Variants in DACH2 observed in about 807,000 individuals in gnomAD.
The protein encoded by DACH2 is dachshund homolog 2.
Under a neutral mutation model 35.8 loss-of-function variants are expected in DACH2, and 17 were observed. The observed-to-expected ratio is 0.48, with a 90% confidence interval of 0.33 to 0.71. DACH2 has a LOEUF of 0.71. Ranked by LOEUF, DACH2 falls within the 30% of genes least tolerant of loss-of-function variation. The probability of loss-of-function intolerance (pLI) is 0.02; values close to 1 mark genes in which losing one functional copy is unlikely to be tolerated. For missense variants in DACH2, 469 were observed against 472.7 expected, an observed-to-expected ratio of 0.99 and a Z score of 0.07; for synonymous variants, 195 against 177.3, an observed-to-expected ratio of 1.10 and a Z score of -0.79.
intron 2 of DACH2, among the ~76,000 whole-genome samples, chrX:86,494,110 G>T (rs984518299): frequency 4.5e-5 from 5 of 111,728 alleles, no homozygotes; most frequent in African/African-American, 1.6e-4. Context: ...ATTGTTGATC[G>T]CTGCCTAGTT....
intron 7 of DACH2, among the ~76,000 whole-genome samples, chrX:86,741,616 A>G (rs1051138827): frequency 1.8e-5 from 2 of 111,600 alleles, no homozygotes; most frequent in Non-Finnish European, 3.8e-5. Context: ...GGTTGTTACT[A>G]CATTGTGTAC....
At chrX:86,164,626 G>T (rs1002475842) in intron 1 of DACH2, among the ~76,000 whole-genome samples, 1 of 111,342 alleles carries the variant, frequency 9.0e-6, no homozygotes, top group African/African-American at 3.3e-5. Context: ...TGTAAGGAGG[G>T]GGTCCAGCTT....
At chrX:86,320,466 C>G (rs2034995253) in intron 1 of DACH2, among the ~76,000 whole-genome samples, 1 of 112,215 alleles carries the variant, frequency 8.9e-6, no homozygotes, top group Non-Finnish European at 1.9e-5. Context: ...TGGGCTCAGG[C>G]AAGGGCAGTT....
intron 10 of DACH2, among the ~76,000 whole-genome samples, chrX:86,815,769 T>C (rs1017217305): frequency 9.2e-6 from 1 of 108,484 alleles, no homozygotes; most frequent in Admixed American, 1.0e-4. Context: ...GGACAGACTA[T>C]TTTCCTAAGA....
At chrX:86,648,044 CT>C (rs1269992627) in intron 3 of DACH2, among the ~76,000 whole-genome samples, 1 of 108,362 alleles carries the variant, frequency 9.2e-6, no homozygotes, top group African/African-American at 3.3e-5. Context: ...GAAGTAAATG[CT>C]CAGTTATCGG....
In DACH2 at chrX:86,795,267, T is replaced by C. The variant is rs755269669; in HGVS notation, c.1241-17589T>C. Among the ~76,000 whole-genome samples, 23 of 99,880 alleles carry C rather than the reference T, an allele frequency of 2.3e-4. No individual in the cohort carries two copies. In the South Asian group the frequency reaches 3.0e-3, roughly 13 times the overall value. The allele number at this position is 99,880 out of a possible 115,157, so 86.7% of individuals were successfully genotyped here. A position where few individuals can be genotyped will look rare whatever the true frequency, so the allele number is the denominator to read the frequency against. Reference sequence around the variant, plus strand: ...TTTTTTTTTGAGACAGAATCTTCGCTCTGTCACCCAGGCTGGAGTGCAGTG... The same window carrying C: ...TTTTTTTTTGAGACAGAATCTTCGCCCTGTCACCCAGGCTGGAGTGCAGTG... On this transcript the variant is annotated intron_variant, in intron 7 of 11. Coordinates refer to ENST00000373125, the MANE Select transcript of DACH2 (RefSeq NM_053281.3).
At chrX:86,528,371 G>A (rs1278707157) in intron 3 of DACH2, among the ~76,000 whole-genome samples, 1 of 111,428 alleles carries the variant, frequency 9.0e-6, no homozygotes, top group Non-Finnish European at 1.9e-5. Context: ...CAAGGCTAAA[G>A]GAGAAAAATT....
chrX:86,496,753 C>A (rs2038177929), intron 2 of DACH2, among the ~76,000 whole-genome samples: 1 of 109,974 alleles, frequency 9.1e-6, no homozygotes, highest in South Asian at 3.9e-4. Context: ...GCAGGGCAGG[C>A]CTCTCAAGCA....
chrX:86,476,214 TC>T (rs2037840955), intron 2 of DACH2, among the ~76,000 whole-genome samples: 1 of 112,117 alleles, frequency 8.9e-6, no homozygotes, highest in Non-Finnish European at 1.9e-5. Flanking sequence ...GGTGTTCCCT[TC>T]TTCTCTCTTT....
chrX:86,411,870 C>G (rs1014109726), intron 2 of DACH2, among the ~76,000 whole-genome samples: 1 of 110,656 alleles, frequency 9.0e-6, no homozygotes, highest in African/African-American at 3.3e-5. Flanking sequence ...GTTTTTTTTC[C>G]CTGGTAACAT....
intron 2 of DACH2, among the ~76,000 whole-genome samples, chrX:86,479,393 AC>A (rs955416635): frequency 2.7e-5 from 3 of 110,691 alleles, no homozygotes; most frequent in African/African-American, 9.9e-5. Context: ...ACCGTTTTCT[AC>A]CCAGCACTTC....
At chrX:86,333,781 A>T (rs1193141206) in intron 1 of DACH2, among the ~76,000 whole-genome samples, 1 of 111,434 alleles carries the variant, frequency 9.0e-6, no homozygotes, top group African/African-American at 3.3e-5. Context: ...ATATACTTTA[A>T]GTTCTGGGAT....
intron 1 of DACH2, among the ~76,000 whole-genome samples, chrX:86,290,689 C>A (rs1569332685): frequency 1.9e-5 from 2 of 103,385 alleles, no homozygotes; most frequent in East Asian, 6.2e-4. Context: ...AATCCTTTCC[C>A]CATTGCTTGT....
intron 1 of DACH2, among the ~76,000 whole-genome samples, chrX:86,375,369 T>A (rs1465071277): frequency 1.0e-5 from 1 of 100,152 alleles, no homozygotes; most frequent in Non-Finnish European, 2.0e-5. Context: ...ATAATACATA[T>A]ATAATTATAT....
chrX:86,582,326 T>C (rs2039511987), intron 3 of DACH2, among the ~76,000 whole-genome samples: 1 of 110,032 alleles, frequency 9.1e-6, no homozygotes, highest in Non-Finnish European at 1.9e-5. Context: ...ACCAGCAATA[T>C]AGGTAGCAGA....
chrX:86,161,553 C>T (rs1051590662), intron 1 of DACH2, among the ~76,000 whole-genome samples: 1 of 112,032 alleles, frequency 8.9e-6, no homozygotes, highest in African/African-American at 3.2e-5. Flanking sequence ...AACTCTAAAT[C>T]AGATTTTTGT....
At chrX:86,521,148 T>G (rs2038547800) in intron 3 of DACH2, among the ~76,000 whole-genome samples, 1 of 111,818 alleles carries the variant, frequency 8.9e-6, no homozygotes, top group Admixed American at 9.5e-5. Flanking sequence ...TTATTTCTCC[T>G]TCACTTAGGA....
At chrX:86,805,619 C>G in intron 7 of DACH2, among the ~76,000 whole-genome samples, 1 of 111,483 alleles carries the variant, frequency 9.0e-6, no homozygotes, top group South Asian at 3.8e-4. Flanking sequence ...TGCCCTGCTC[C>G]CCTTTTAAAC....
chrX:86,749,953 G>A (rs1323601728), intron 7 of DACH2, among the ~76,000 whole-genome samples: 2 of 109,905 alleles, frequency 1.8e-5, no homozygotes, highest in Non-Finnish European at 3.8e-5. Flanking sequence ...AATTTTTTTA[G>A]CTTTAATGGT....
Sources: allele counts gnomAD v4.1 joint callset (sites outside exome capture counted in the v4.1 genomes callset), GRCh38; gene constraint gnomAD v4.1.1; transcripts MANE v1.5; gene names NCBI Gene and HGNC (gene_info 2026-07-23, HGNC 2026-07-21).